The following LRP5 variants were observed in gnomAD, a reference collection of about 807,000 sequenced individuals.
The protein encoded by LRP5 is LDL receptor related protein 5, also known as low-density lipoprotein receptor-related protein 5.
A neutral mutation model predicts 154.1 loss-of-function variants in LRP5; 62 were observed. That is an observed-to-expected ratio of 0.40 (90% CI 0.33 to 0.50). The LOEUF (loss-of-function observed/expected upper bound fraction) is 0.50. Among genes scored for constraint, LRP5 ranks in the 20% least tolerant of loss-of-function variants. The pLI, the probability that LRP5 is intolerant of heterozygous loss-of-function variation, is 0.55. For synonymous variants in LRP5, 966 were observed against 1,011.5 expected (o/e 0.96, Z 0.85); for missense variants, 1,915 against 2,336.7 (o/e 0.82, Z 3.72).
chr11:68,404,558 T>C, intron 8 of LRP5: 2 of 481,408 alleles, frequency 4.2e-6, no homozygotes, highest in Admixed American at 2.3e-5. Context: ...GCTGAGGCAG[T>C]GTGGGCGACC....
intron 1 of LRP5, among the ~76,000 whole-genome samples, chr11:68,331,525 A>C (rs569357142): frequency 2.0e-5 from 3 of 152,248 alleles, no homozygotes; most frequent in Admixed American, 6.5e-5. Context: ...TGTTGAGGGA[A>C]GACCCGGAGG....
intron 2 of LRP5, among the ~76,000 whole-genome samples, chr11:68,356,274 C>G (rs965581157): frequency 1.3e-5 from 2 of 151,728 alleles, no homozygotes; most frequent in African/African-American, 4.8e-5. Context: ...TCCCAAGTAG[C>G]TGGGACTACA....
intron 1 of LRP5, among the ~76,000 whole-genome samples, chr11:68,313,814 C>T (rs530378383): frequency 1.3e-5 from 2 of 152,342 alleles, no homozygotes; most frequent in African/African-American, 4.8e-5. Flanking sequence ...GCCCCTTTGT[C>T]TGGGCCTCCT....
At chr11:68,309,580 C>CTT (rs35335751), upstream of LRP5, among the ~76,000 whole-genome samples, 52 of 137,132 alleles carry the variant, frequency 3.8e-4, no homozygotes, top group Admixed American at 1.1e-3. Flanking sequence ...CTTCATAATG[C>CTT]TTTTTTTTTT....
Position 68,403,586 on chromosome 11 carries a change from G to A in LRP5, c.1688G>A (p.Trp563Ter). 2 of 1,614,216 alleles carry A rather than the reference G, an allele frequency of 1.2e-6. No homozygotes were observed. The highest frequency in any genetic ancestry group is 1.7e-6 in the Non-Finnish European group (2 of 1,180,058). Residue 563 changes from tryptophan to a stop codon, truncating the protein, a stop_gained, in exon 8 of 23, where the codon TGG becomes TAG. Coordinates refer to ENST00000294304, the MANE Select transcript of LRP5 (RefSeq NM_002335.4). LOFTEE classifies it high-confidence loss of function. The part of the protein sequence containing the change: ...LLGDFIYWTD[W>*]QRRSIERVHK... ...GGGGACTTCATCTACTGGACTGACT[G>A]GCAGCGCCGCAGCATCGAGCGGGTG...
rs961166880 is a variant in LRP5 at position 68,433,939 on chromosome 11, A to T, written c.4000+101A>T. ...GCCTCACAGGAGTAGGGGCTCTGAA[A>T]ACCTTTGCTTGCAGGGAGATTGCCA... On this transcript the variant is annotated intron_variant, in intron 18 of 22. Coordinates refer to ENST00000294304, the MANE Select transcript of LRP5 (RefSeq NM_002335.4). 1.8e-5 allele frequency: 21 copies of T among 1,169,802 alleles called. 2 individuals are homozygous for T. The South Asian group carries it at 2.7e-4, about 15-fold the overall frequency. The allele number at this position is 1,169,802 out of a possible 1,614,324, so 72.5% of individuals were successfully genotyped here.
In LRP5 at chr11:68,433,608, C is replaced by A. The variant is rs769957975; in HGVS notation, c.3770C>A (p.Pro1257His). Reference protein sequence around the residue: ...LQNLLTCGEPPTCSPDQFACA... With the variant: ...LQNLLTCGEPHTCSPDQFACA... ...TCCTCTGTCCCTCCCCCAGAGCCGC[C>A]CACCTGCTCCCCGGACCAGTTTGCA... Residue 1257 changes from proline (P) to histidine (H), a missense_variant, in exon 18 of 23, where the codon CCC (proline) becomes CAC (histidine). Physicochemically the swap from Pro to His is moderately conservative, Grantham distance 77 (BLOSUM62 -2). Transcript: ENST00000294304. 4 of 1,613,370 alleles carry A rather than the reference C, an allele frequency of 2.5e-6. No individual in the cohort carries two copies. Among genetic ancestry groups the A allele is most frequent in the Non-Finnish European group, 3.4e-6 (4 of 1,179,908 alleles).
rs1228633661 is a variant in LRP5 at position 68,416,468 on chromosome 11, T to C, written c.2968T>C (p.Phe990Leu). 2 of 1,614,054 alleles carry C rather than the reference T, an allele frequency of 1.2e-6. No homozygotes were observed. The highest frequency in any genetic ancestry group is 2.7e-5 in the African/African-American group (2 of 75,046). The part of the protein sequence containing the change: ...KAIDYDPLDK[F>L]IYWVDGRQNI... ...CATCGACTATGACCCACTGGACAAG[T>C]TCATCTACTGGGTGGATGGGCGCCA... Residue 990 changes from phenylalanine (F) to leucine (L), a missense_variant, in exon 13 of 23, where the codon TTC (phenylalanine) becomes CTC (leucine). By Grantham distance (22) the Phe-to-Leu change is conservative. Coordinates refer to ENST00000294304, the MANE Select transcript of LRP5 (RefSeq NM_002335.4).
At chr11:68,392,519 A>G (rs916837680) in intron 7 of LRP5, among the ~76,000 whole-genome samples, 6 of 152,012 alleles carry the variant, frequency 3.9e-5, no homozygotes, top group Non-Finnish European at 7.4e-5. Flanking sequence ...ATAAATAAAT[A>G]AAAAAAATTT....
rs544161439 is a variant in LRP5 at position 68,372,375 on chromosome 11, G to A, written c.1015+6673G>A. Among the ~76,000 whole-genome samples, 8 of 141,114 alleles carry A rather than the reference G, an allele frequency of 5.7e-5. No homozygotes were observed. The South Asian group carries it at 1.2e-3, about 20-fold the overall frequency. 92.6% of individuals were successfully genotyped at this position (141,114 alleles called of 152,430 possible). On this transcript the variant is annotated intron_variant, in intron 5 of 22. Coordinates refer to ENST00000294304, the MANE Select transcript of LRP5 (RefSeq NM_002335.4). ...AGGAGGTGCAGTGTCAGGCAGACCCGGGACCGTGGTGGTGTTGAGGAGGTG... is the reference window on the plus strand; with the variant it reads ...AGGAGGTGCAGTGTCAGGCAGACCCAGGACCGTGGTGGTGTTGAGGAGGTG...
chr11:68,416,347 G>C lies in LRP5; in HGVS notation c.2847G>C (p.Leu949=). ...RNCSPPTTFL[L]FSQKSAISRM... is the part of the protein sequence containing the mutation. ...CTCTAGCGCCCACCACCTTCTTGCTGTTCAGCCAGAAATCTGCCATCAGTC... is the reference window on the plus strand; with the variant it reads ...CTCTAGCGCCCACCACCTTCTTGCTCTTCAGCCAGAAATCTGCCATCAGTC... The change falls in exon 13 of 23, where the codon CTG becomes CTC. Residue 949 remains leucine (L), a synonymous_variant. Coordinates refer to ENST00000294304, the MANE Select transcript of LRP5 (RefSeq NM_002335.4). 1 of 1,614,104 alleles carries C rather than the reference G, an allele frequency of 6.2e-7. No individual in the cohort carries two copies. The highest frequency in any genetic ancestry group is 1.3e-5 in the African/African-American group (1 of 75,044).
At chr11:68,429,482 T>C in intron 16 of LRP5, 93 bp from the exon 17 acceptor site, 1 of 1,540,956 alleles carries the variant, frequency 6.5e-7, no homozygotes, top group Non-Finnish European at 8.9e-7. Flanking sequence ...GGGCCAGTTC[T>C]CATGAGTTCT....
Position 68,413,446 on chromosome 11 carries a change from CTGGGTGGTAA to C in LRP5, c.2504-241_2504-232del, listed in dbSNP as rs2098660721. On this transcript the variant is annotated intron_variant, in intron 11 of 22. Transcript: ENST00000294304. The surrounding 1 kb of genome is among the most constrained non-coding windows in gnomAD (Gnocchi z 5.1). ...GAACAAGAACCTGGAGTCTCGCTGC[CTGGGTGGTAA>C]TCCTGGCCCTGCCACTTAGCAACTG... Among the ~76,000 whole-genome samples, 2 of 152,198 alleles carry C rather than the reference CTGGGTGGTAA, an allele frequency of 1.3e-5. No individual in the cohort carries two copies. The highest frequency in any genetic ancestry group is 2.9e-5 in the Non-Finnish European group (2 of 68,038).
chr11:68,365,131 C>G (rs569340371), intron 4 of LRP5, among the ~76,000 whole-genome samples: 8 of 152,300 alleles, frequency 5.3e-5, no homozygotes, highest in African/African-American at 1.9e-4. Context: ...CTCTGGGGTT[C>G]CCGTCACTAC....
intron 5 of LRP5, among the ~76,000 whole-genome samples, chr11:68,374,163 TGTCGAGTCTGAC>T (rs1431674474): frequency 6.6e-6 from 1 of 152,218 alleles, no homozygotes; most frequent in East Asian, 1.9e-4. Context: ...AGGGGGCCAC[TGTCGAGTCTGAC>T]GGGCAGACTG....
At chr11:68,365,325 G>T (rs1358230355) in intron 4 of LRP5, among the ~76,000 whole-genome samples, 1 of 152,124 alleles carries the variant, frequency 6.6e-6, no homozygotes, top group African/African-American at 2.4e-5. Flanking sequence ...TGGCCAGGAA[G>T]GTCACGGCTG....
At chr11:68,406,875 G>A in intron 9 of LRP5, 62 bp downstream of exon 9, 9 of 1,538,486 alleles carry the variant, frequency 5.8e-6, no homozygotes, top group Non-Finnish European at 6.2e-6. Context: ...CTCTGTTCCT[G>A]CCTCAAAGGC....
intron 1 of LRP5, among the ~76,000 whole-genome samples, chr11:68,327,523 G>T (rs1250834003): frequency 6.6e-6 from 1 of 152,202 alleles, no homozygotes; most frequent in Non-Finnish European, 1.5e-5. Context: ...TTTAACTCTT[G>T]CAGAAAGAAC....
intron 1 of LRP5, among the ~76,000 whole-genome samples, chr11:68,335,656 A>G (rs1309048732): frequency 1.3e-5 from 2 of 152,178 alleles, no homozygotes; most frequent in African/African-American, 2.4e-5. Flanking sequence ...AAAGCCTCTC[A>G]TGCATATTCT....
Sources: allele counts gnomAD v4.1 joint callset (sites outside exome capture counted in the v4.1 genomes callset), GRCh38; gene constraint gnomAD v4.1.1; non-coding constraint Gnocchi (gnomAD v3.1); transcripts MANE v1.5; gene names NCBI Gene and HGNC (gene_info 2026-07-23, HGNC 2026-07-21).